The following TMEM177 variants were observed in gnomAD, a reference collection of about 807,000 sequenced individuals.
TMEM177 encodes transmembrane protein 177.
Under a neutral mutation model 14.2 loss-of-function variants are expected in TMEM177, and 4 were observed. The ratio of observed to expected loss-of-function variants is 0.28; its 90% CI spans 0.14 to 0.64. TMEM177 has a LOEUF of 0.64. Ranked by LOEUF, TMEM177 falls within the 30% of genes least tolerant of loss-of-function variation. TMEM177 has a pLI of 0.82. For missense variants in TMEM177, 344 were observed against 405.2 expected, an observed-to-expected ratio of 0.85 and a Z score of 1.30; for synonymous variants, 179 against 174.5, an observed-to-expected ratio of 1.03 and a Z score of -0.20.
chr2:119,721,216 G>T, the TMEM177 span, among the ~76,000 whole-genome samples: 4 of 152,240 alleles, frequency 2.6e-5, no homozygotes, highest in Admixed American at 2.0e-4. Context: ...TCCAAGGAGG[G>T]AAGGACAGCT....
chr2:119,722,841 A>G, the TMEM177 span, among the ~76,000 whole-genome samples: 1 of 152,216 alleles, frequency 6.6e-6, no homozygotes. Context: ...GAATAAGGCA[A>G]GAGAACATCC....
At chr2:119,699,417 G>C in the TMEM177 span, among the ~76,000 whole-genome samples, 1 of 152,160 alleles carries the variant, frequency 6.6e-6, no homozygotes, top group African/African-American at 2.4e-5. Flanking sequence ...CCTTAGTTCA[G>C]CTAAAGACAG....
At chr2:119,692,834 G>A in the TMEM177 span, among the ~76,000 whole-genome samples, 4 of 152,008 alleles carry the variant, frequency 2.6e-5, no homozygotes, top group South Asian at 4.2e-4. Flanking sequence ...TTAGCCGGGT[G>A]TGGTGGTGGC....
rs201746571 is a variant in TMEM177, at chr2:119,681,182, T to A, written c.329T>A (p.Phe110Tyr). ...GCTGTGGTGGGCATCCCTGCCAGTT[T>A]CTTGGGAGACCTAGTGATCAACACT... The part of the protein sequence containing the change: ...AGAVVGIPAS[F>Y]LGDLVINTNH... The change falls in exon 2 of 2, where the codon TTC (phenylalanine) becomes TAC (tyrosine). Residue 110 changes from phenylalanine to tyrosine, a missense_variant. By Grantham distance (22) the Phe-to-Tyr change is conservative. Transcript: ENST00000272521. 6.2e-7 allele frequency: 1 copy of A among 1,614,210 alleles called. No homozygotes were observed. Among genetic ancestry groups the A allele is most frequent in the East Asian group, 2.2e-5 (1 of 44,882 alleles).
At chr2:119,687,103 C>T (rs954318886), downstream of TMEM177, among the ~76,000 whole-genome samples, 3 of 152,186 alleles carry the variant, frequency 2.0e-5, no homozygotes, top group Admixed American at 6.6e-5. Flanking sequence ...GATTAGATTA[C>T]AACAGATTAT....
chr2:119,698,983 T>A, the TMEM177 span: 1 of 172,294 alleles, frequency 5.8e-6, no homozygotes, highest in Non-Finnish European at 1.3e-5. Flanking sequence ...GGCGACAGAG[T>A]GAGACTCTGT....
At chr2:119,722,063 A>G in the TMEM177 span, among the ~76,000 whole-genome samples, 1 of 152,194 alleles carries the variant, frequency 6.6e-6, no homozygotes, top group Non-Finnish European at 1.5e-5. Flanking sequence ...GTAAATAATT[A>G]AACAAAGCTG....
the TMEM177 span, among the ~76,000 whole-genome samples, chr2:119,718,249 A>T: frequency 1.1e-4 from 17 of 152,314 alleles, no homozygotes; most frequent in South Asian, 3.3e-3. Flanking sequence ...GTTCCTTACC[A>T]AGCTGTGTCA....
chr2:119,706,021 T>TTA, the TMEM177 span, among the ~76,000 whole-genome samples: 2 of 71,984 alleles, frequency 2.8e-5, no homozygotes, highest in Admixed American at 1.5e-4. Context: ...TTATATATAT[T>TTA]TATATATATA....
chr2:119,679,224 A>C lies in TMEM177; in HGVS notation c.-75A>C, dbSNP rs1688830580. On this transcript the variant is annotated 5_prime_UTR_variant, in exon 1 of 2. Transcript: ENST00000272521. ...ATGTAGGCGTTCCGAGCGGCGGCGG[A>C]GGTGAGCGCACGGACGAGCGGGAGG... 6.6e-6 allele frequency: 1 copy of C among 152,136 alleles called. No individual in the cohort carries two copies. Among genetic ancestry groups the C allele is most frequent in the Non-Finnish European group, 1.5e-5 (1 of 68,052 alleles). The allele number at this position is 152,136 out of a possible 1,614,324, so 9.4% of individuals were successfully genotyped here.
At chr2:119,697,862 C>G in the TMEM177 span, among the ~76,000 whole-genome samples, 3 of 152,198 alleles carry the variant, frequency 2.0e-5, no homozygotes, top group African/African-American at 4.8e-5. Flanking sequence ...CAAGTATGCA[C>G]AGGAGCCATA....
At chr2:119,685,674 G>A, downstream of TMEM177, 1 of 717,880 alleles carries the variant, frequency 1.4e-6, no homozygotes, top group Non-Finnish European at 2.6e-6. Context: ...GAACATCACA[G>A]AAAGGTGAAG....
chr2:119,680,237 G>A (rs991555321), intron 1 of TMEM177, among the ~76,000 whole-genome samples: 2 of 152,198 alleles, frequency 1.3e-5, no homozygotes, highest in African/African-American at 4.8e-5. Context: ...TATGAACTGG[G>A]GAGGAGGAGG....
chr2:119,711,132 T>C, the TMEM177 span, among the ~76,000 whole-genome samples: 8 of 152,136 alleles, frequency 5.3e-5, 1 homozygote, highest in Admixed American at 5.2e-4. Context: ...CGAGGCAGGC[T>C]GGTCTGAGGG....
the TMEM177 span, among the ~76,000 whole-genome samples, chr2:119,723,534 A>G: frequency 6.6e-6 from 1 of 152,158 alleles, no homozygotes; most frequent in Non-Finnish European, 1.5e-5. Flanking sequence ...TCTGCTGATC[A>G]ATTAGCCAAA....
chr2:119,681,102 C>T lies in TMEM177; in HGVS notation c.249C>T (p.Phe83=), dbSNP rs1386103592. Residue 83 remains phenylalanine, a synonymous_variant, in exon 2 of 2, where the codon TTC becomes TTT. Coordinates refer to ENST00000272521, the MANE Select transcript of TMEM177 (RefSeq NM_030577.3). ...CTTCAGGCCATTGCTACAAGCCCTT[C>T]ACCACCTTCACCTTCCAACCTGTGA... ...GVPSGHCYKP[F]TTFTFQPVSA... 2.5e-6 allele frequency: 4 copies of T among 1,614,266 alleles called. No individual in the cohort carries two copies. Among genetic ancestry groups the T allele is most frequent in the Admixed American group, 3.3e-5 (2 of 60,034 alleles).
the TMEM177 span, among the ~76,000 whole-genome samples, chr2:119,695,975 A>G: frequency 6.6e-6 from 1 of 152,192 alleles, no homozygotes; most frequent in Non-Finnish European, 1.5e-5. Flanking sequence ...CCTGAAACCT[A>G]GGACTGTTTG....
the TMEM177 span, among the ~76,000 whole-genome samples, chr2:119,711,853 G>A: frequency 6.6e-6 from 1 of 152,148 alleles, no homozygotes; most frequent in Non-Finnish European, 1.5e-5. Context: ...CCTGGGGTGG[G>A]AAAGGAGCAA....
chr2:119,706,170 C>T, the TMEM177 span, among the ~76,000 whole-genome samples: 5 of 151,816 alleles, frequency 3.3e-5, no homozygotes, highest in African/African-American at 7.3e-5. Context: ...ATTACAATTG[C>T]GTGCCACCAC....
Sources: gnomAD v4.1 joint callset for allele counts (sites outside exome capture counted in the v4.1 genomes callset) on GRCh38, gnomAD v4.1.1 for gene constraint, MANE v1.5 for transcripts, NCBI Gene and HGNC (gene_info 2026-07-23, HGNC 2026-07-21) for gene names.